PPARGC1A: variants seen among roughly 807,000 people sequenced by gnomAD.
PPARGC1A encodes PPARG coactivator 1 alpha.
A neutral mutation model predicts 88.7 loss-of-function variants in PPARGC1A; 25 were observed. The ratio of observed to expected loss-of-function variants is 0.28; its 90% confidence interval spans 0.21 to 0.39. The LOEUF (loss-of-function observed/expected upper bound fraction) is 0.39, where lower values mean the gene tolerates loss of function less well. Among genes scored for constraint, PPARGC1A ranks in the 10% least tolerant of loss-of-function variants. The pLI is 1.00. For synonymous variants in PPARGC1A, 363 were observed against 355.6 expected, an observed-to-expected ratio of 1.02 and a Z score of -0.24; for missense variants, 880 against 968.7, an observed-to-expected ratio of 0.91 and a Z score of 1.22.
the PPARGC1A span, among the ~76,000 whole-genome samples, chr4:24,067,775 G>A: frequency 6.6e-6 from 1 of 152,180 alleles, no homozygotes; most frequent in Non-Finnish European, 1.5e-5. Context: ...GCTGATTACG[G>A]AGTTCCCATC....
chr4:23,906,734 T>A (rs961764556), upstream of PPARGC1A, among the ~76,000 whole-genome samples: 2 of 151,976 alleles, frequency 1.3e-5, no homozygotes, highest in African/African-American at 4.8e-5. Flanking sequence ...CCTCTTAGCA[T>A]CAATAGTAGA....
the PPARGC1A span, among the ~76,000 whole-genome samples, chr4:24,013,149 G>A: frequency 6.6e-6 from 1 of 152,104 alleles, no homozygotes; most frequent in Non-Finnish European, 1.5e-5. Context: ...AGAATAAGAC[G>A]GACGTGGCTC....
At chr4:24,106,987 A>G in the PPARGC1A span, among the ~76,000 whole-genome samples, 1 of 152,238 alleles carries the variant, frequency 6.6e-6, no homozygotes, top group African/African-American at 2.4e-5. Context: ...TTGGCAAAAA[A>G]TAACTGATAT....
chr4:24,114,373 T>A, the PPARGC1A span, among the ~76,000 whole-genome samples: 1 of 152,102 alleles, frequency 6.6e-6, no homozygotes, highest in African/African-American at 2.4e-5. Context: ...AGCAGAGAAA[T>A]CAGTGAGTGG....
At chr4:24,220,064 G>A in the PPARGC1A span, among the ~76,000 whole-genome samples, 1 of 152,044 alleles carries the variant, frequency 6.6e-6, no homozygotes, top group Non-Finnish European at 1.5e-5. Flanking sequence ...TGGAACAAAG[G>A]AGATGAGCAG....
At chr4:23,812,694 C>CGAAAAAAA (rs1577363957) in intron 10 of PPARGC1A, 53 bp downstream of exon 10, 2 of 1,602,188 alleles carry the variant, frequency 1.2e-6, no homozygotes, top group Non-Finnish European at 1.7e-6. Flanking sequence ...AAAAAGCACA[C>CGAAAAAAA]AGAAAAAGAA....
chr4:24,436,856 C>T, the PPARGC1A span, among the ~76,000 whole-genome samples: 4 of 151,092 alleles, frequency 2.6e-5, no homozygotes, highest in African/African-American at 7.3e-5. Flanking sequence ...ACCCCAGAGC[C>T]CAGGTCACAG....
chr4:24,422,628 GAAAA>G, the PPARGC1A span, among the ~76,000 whole-genome samples: 4 of 116,188 alleles, frequency 3.4e-5, no homozygotes, highest in South Asian at 9.1e-4. Context: ...CTTTAAAAAT[GAAAA>G]AAAAAAAAAA....
At chr4:24,147,685 G>A in the PPARGC1A span, among the ~76,000 whole-genome samples, 1 of 152,152 alleles carries the variant, frequency 6.6e-6, no homozygotes, top group Non-Finnish European at 1.5e-5. Context: ...TCATCTCTGT[G>A]AGTCCTAAGC....
At chr4:24,054,992 A>G in the PPARGC1A span, among the ~76,000 whole-genome samples, 1 of 152,234 alleles carries the variant, frequency 6.6e-6, no homozygotes, top group Non-Finnish European at 1.5e-5. Flanking sequence ...AACCCTGTGA[A>G]TTAAGTTCTG....
At chr4:24,078,944 T>C in the PPARGC1A span, among the ~76,000 whole-genome samples, 69 of 152,218 alleles carry the variant, frequency 4.5e-4, no homozygotes, top group African/African-American at 1.6e-3. Flanking sequence ...TTCTCCTCCA[T>C]ACTGAAAACA....
At chr4:24,219,065 G>C in the PPARGC1A span, among the ~76,000 whole-genome samples, 5 of 152,134 alleles carry the variant, frequency 3.3e-5, no homozygotes, top group Non-Finnish European at 5.9e-5. Context: ...CAAGAAAGAG[G>C]GGCTTATTTT....
chr4:24,448,780 C>T, the PPARGC1A span, among the ~76,000 whole-genome samples: 1 of 152,148 alleles, frequency 6.6e-6, no homozygotes, highest in Non-Finnish European at 1.5e-5. Context: ...CTCACACACA[C>T]CCCATTGAAA....
chr4:24,093,862 A>C, the PPARGC1A span, among the ~76,000 whole-genome samples: 1 of 152,128 alleles, frequency 6.6e-6, no homozygotes, highest in South Asian at 2.1e-4. Context: ...CCTGGTTTCC[A>C]TGTGTGTAAA....
chr4:24,329,046 T>C, the PPARGC1A span, among the ~76,000 whole-genome samples: 23 of 152,280 alleles, frequency 1.5e-4, no homozygotes, highest in Non-Finnish European at 2.1e-4. Context: ...ACAGTTTATG[T>C]TGGGGAGCAA....
At chr4:24,249,621 G>A in the PPARGC1A span, among the ~76,000 whole-genome samples, 5 of 148,222 alleles carry the variant, frequency 3.4e-5, no homozygotes, top group African/African-American at 1.2e-4. Flanking sequence ...CCGGGGAATC[G>A]GTTGGGAGGA....
the PPARGC1A span, among the ~76,000 whole-genome samples, chr4:23,968,655 T>C: frequency 6.6e-6 from 1 of 152,146 alleles, no homozygotes; most frequent in South Asian, 2.1e-4. Flanking sequence ...TGGCTCATGC[T>C]TGTAATCCCA....
chr4:24,005,050 G>T, the PPARGC1A span, among the ~76,000 whole-genome samples: 1 of 152,098 alleles, frequency 6.6e-6, no homozygotes, highest in African/African-American at 2.4e-5. Flanking sequence ...CAGAGATGAG[G>T]TCTTCAAGGG....
At chr4:23,827,742 C>A (rs1724216770) in intron 5 of PPARGC1A, among the ~76,000 whole-genome samples, 1 of 151,930 alleles carries the variant, frequency 6.6e-6, no homozygotes, top group African/African-American at 2.4e-5. Flanking sequence ...AGAAAGAAAA[C>A]AATCAGGATT....
Sources: gnomAD v4.1 joint callset for allele counts (sites outside exome capture counted in the v4.1 genomes callset) on GRCh38, gnomAD v4.1.1 for gene constraint, MANE v1.5 for transcripts, NCBI Gene and HGNC (gene_info 2026-07-23, HGNC 2026-07-21) for gene names.